SIPA1L2: variants seen among roughly 807,000 people sequenced by gnomAD.
The protein encoded by SIPA1L2 is signal-induced proliferation-associated 1-like protein 2.
In SIPA1L2, 56 loss-of-function variants were observed where a neutral mutation model predicts 163.9. The observed-to-expected ratio is 0.34, with a 90% CI of 0.28 to 0.43. The LOEUF (loss-of-function observed/expected upper bound fraction) is 0.43, where lower values mean the gene tolerates loss of function less well. SIPA1L2 is among the 20% of genes least tolerant of loss of function. The probability of loss-of-function intolerance (pLI) is 1.00; values close to 1 mark genes in which losing one functional copy is unlikely to be tolerated. For missense variants in SIPA1L2, 1,974 were observed against 2,193.5 expected (o/e 0.90, Z 2.00); for synonymous variants, 877 against 865.7 (o/e 1.01, Z -0.23).
rs1572869106 is a variant in SIPA1L2, at chr1:232,419,638, C to T, written c.4631-4013G>A. Among the ~76,000 whole-genome samples the T allele has an allele frequency of 2.0e-5, 3 of 152,204 alleles. No individual in the cohort carries two copies. The South Asian group carries it at 6.2e-4, about 32-fold the overall frequency. Reference sequence around the variant, plus strand: ...TGCTATGTGACACTCCTGCTCCCCCCTCTACCTTCCACCATGACTGTAAGC... The same window carrying T: ...TGCTATGTGACACTCCTGCTCCCCCTTCTACCTTCCACCATGACTGTAAGC... On this transcript the variant is annotated intron_variant, in intron 18 of 22. Coordinates refer to ENST00000674635, the MANE Select transcript of SIPA1L2 (RefSeq NM_020808.5).
chr1:232,460,936 T>A lies in SIPA1L2; in HGVS notation c.3046A>T (p.Thr1016Ser), dbSNP rs1391349207. ...GGCTGGATGATGACCACCTTCACAG[T>A]CACAGAAGTACGGAGCAGGTCGATC... ...QMIDLLRTSVTVKVVIIQPHD... is the reference protein window; with the variant it reads ...QMIDLLRTSVSVKVVIIQPHD... Residue 1016 changes from threonine (T) to serine (S), a missense_variant, in exon 10 of 23, where the codon ACT becomes TCT. Around this residue, in one of 3 missense-constraint regions of SIPA1L2, gnomAD observed 1,079 missense variants for 1,150.7 expected, o/e 0.94. Transcript: ENST00000674635. 1 of 1,614,192 alleles carries A rather than the reference T, an allele frequency of 6.2e-7. No individual in the cohort carries two copies.
chr1:232,576,834 GC>G (rs1352271366), intron 1 of SIPA1L2, among the ~76,000 whole-genome samples: 3 of 152,108 alleles, frequency 2.0e-5, no homozygotes, highest in Non-Finnish European at 4.4e-5. Context: ...GATGAAACCA[GC>G]CACATTTCCT....
intron 2 of SIPA1L2, among the ~76,000 whole-genome samples, chr1:232,569,000 T>A (rs1211861596): frequency 6.6e-6 from 1 of 152,194 alleles, no homozygotes; most frequent in African/African-American, 2.4e-5. Flanking sequence ...CTTTTCATCA[T>A]CTTGTTTCCT....
chr1:232,431,964 C>T (rs192755786), intron 16 of SIPA1L2, among the ~76,000 whole-genome samples: 197 of 152,276 alleles, frequency 1.3e-3, no homozygotes, highest in African/African-American at 4.3e-3. Context: ...TTTATAGAGA[C>T]GCTATACTCA....
chr1:232,488,303 A>G (rs866458645), intron 5 of SIPA1L2, among the ~76,000 whole-genome samples: 20 of 152,308 alleles, frequency 1.3e-4, no homozygotes, highest in Middle Eastern at 3.4e-3. Context: ...AAACCCTTAG[A>G]CCAATAACAA....
At chr1:232,544,234 A>G (rs1657878417) in intron 2 of SIPA1L2, among the ~76,000 whole-genome samples, 1 of 152,160 alleles carries the variant, frequency 6.6e-6, no homozygotes, top group Admixed American at 6.5e-5. Context: ...GCAATGTTTT[A>G]CACGATTTAA....
Position 232,398,908 on chromosome 1 carries a change from A to G in SIPA1L2, c.*219T>C. On this transcript the variant is annotated 3_prime_UTR_variant, in exon 23 of 23. Transcript: ENST00000674635. ...CAGGGTTTACATTCATCTTCACACCAGGAGTTACATTCATTCATCTTCACA... is the reference window on the plus strand; with the variant it reads ...CAGGGTTTACATTCATCTTCACACCGGGAGTTACATTCATTCATCTTCACA... 1 of 559,416 alleles carries G rather than the reference A, an allele frequency of 1.8e-6. No individual in the cohort carries two copies. The highest frequency in any genetic ancestry group is 3.1e-6 in the Non-Finnish European group (1 of 322,054). 34.7% of individuals were successfully genotyped at this position (559,416 alleles called of 1,614,324 possible).
chr1:232,602,087 G>A (rs1230052843), intron 1 of SIPA1L2, among the ~76,000 whole-genome samples: 7 of 152,120 alleles, frequency 4.6e-5, no homozygotes, highest in African/African-American at 1.7e-4. Context: ...GCAAGGAGGG[G>A]AAGTCACTAC....
intron 2 of SIPA1L2, among the ~76,000 whole-genome samples, chr1:232,516,978 T>C (rs1168761578): frequency 6.6e-6 from 1 of 152,092 alleles, no homozygotes; most frequent in Non-Finnish European, 1.5e-5. Context: ...AAGAATAAAT[T>C]CAAAGAAAAA....
chr1:232,435,999 T>C (rs910501773), intron 15 of SIPA1L2, among the ~76,000 whole-genome samples: 3 of 152,116 alleles, frequency 2.0e-5, no homozygotes, highest in Non-Finnish European at 4.4e-5. Flanking sequence ...TGGAGGAGGC[T>C]GCTATGGTGT....
chr1:232,535,884 G>A (rs899990960), intron 2 of SIPA1L2, among the ~76,000 whole-genome samples: 2 of 152,188 alleles, frequency 1.3e-5, no homozygotes, highest in Non-Finnish European at 2.9e-5. Context: ...TATAAGTGAG[G>A]CAGACTGCTC....
At chr1:232,625,569 A>C (rs1663033819) in intron 1 of SIPA1L2, among the ~76,000 whole-genome samples, 2 of 152,192 alleles carry the variant, frequency 1.3e-5, no homozygotes, top group South Asian at 4.1e-4. Flanking sequence ...GCCACCAGAA[A>C]AGTAAATGCA....
At chr1:232,603,095 A>G (rs1330079525) in intron 1 of SIPA1L2, among the ~76,000 whole-genome samples, 2 of 152,300 alleles carry the variant, frequency 1.3e-5, no homozygotes, top group Middle Eastern at 3.4e-3. Context: ...CACGTGGTAT[A>G]AGGATTGAGT....
chr1:232,513,411 G>A (rs1381464491), intron 3 of SIPA1L2, among the ~76,000 whole-genome samples: 3 of 152,186 alleles, frequency 2.0e-5, no homozygotes, highest in African/African-American at 7.2e-5. Context: ...AACACATACA[G>A]CAATGCTGGA....
chr1:232,513,944 G>T lies in SIPA1L2; in HGVS notation c.1396C>A (p.Pro466Thr). Residue 466 changes from proline to threonine, a missense_variant, in exon 3 of 23, where the codon CCT becomes ACT. Coordinates refer to ENST00000674635, the MANE Select transcript of SIPA1L2 (RefSeq NM_020808.5). ...SVLEVPRENQ[P>T]IHREKVKRYI... is the part of the protein sequence containing the mutation. ...CGCTTCACTTTCTCCCTGTGAATAG[G>T]CTGGTTTTCTCTGGGCACTTCCAAG... 2.5e-6 allele frequency: 4 copies of T among 1,614,136 alleles called. No homozygotes were observed. Among genetic ancestry groups the T allele is most frequent in the Non-Finnish European group, 3.4e-6 (4 of 1,180,012 alleles).
intron 3 of SIPA1L2, among the ~76,000 whole-genome samples, chr1:232,512,084 A>G (rs866010821): frequency 3.2e-4 from 48 of 152,248 alleles, no homozygotes; most frequent in African/African-American, 1.0e-3. Flanking sequence ...ACACTTCTCA[A>G]AAGAAGACAT....
chr1:232,508,886 G>A (rs951622573), intron 3 of SIPA1L2, among the ~76,000 whole-genome samples: 3 of 152,208 alleles, frequency 2.0e-5, no homozygotes, highest in African/African-American at 7.2e-5. Flanking sequence ...GAAGACAGGC[G>A]TTCGAGACCA....
chr1:232,474,521 T>A (rs1289267384), intron 7 of SIPA1L2, among the ~76,000 whole-genome samples: 1 of 152,156 alleles, frequency 6.6e-6, no homozygotes, highest in Non-Finnish European at 1.5e-5. Context: ...TACAGTAAGA[T>A]AGAAGGAGTA....
Position 232,399,166 on chromosome 1 carries a change from G to T in SIPA1L2, c.5130C>A (p.Phe1710Leu). 2 of 1,614,090 alleles carry T rather than the reference G, an allele frequency of 1.2e-6. No individual in the cohort carries two copies. Among genetic ancestry groups the T allele is most frequent in the Non-Finnish European group, 1.7e-6 (2 of 1,180,028 alleles). The change falls in exon 23 of 23, where the codon TTC becomes TTA. Residue 1710 changes from phenylalanine to leucine, a missense_variant. By Grantham distance (22) the Phe-to-Leu change is conservative. Transcript: ENST00000674635. ...SQTATAQLRK[F>L]TEWFFTTIDK... The stretch of plus-strand genomic sequence containing the variant: ...CGATGGTGGTGAAAAACCATTCTGT[G>T]AATTTCCGCAGCTGAGCTGTCGCGG...
Sources: allele counts gnomAD v4.1 joint callset (sites outside exome capture counted in the v4.1 genomes callset), GRCh38; gene constraint gnomAD v4.1.1; regional missense constraint gnomAD v4.1.1; transcripts MANE v1.5; gene names NCBI Gene and HGNC (gene_info 2026-07-23, HGNC 2026-07-21).